Variants in GARIN5A observed in about 807,000 individuals in gnomAD.
GARIN5A encodes the protein Golgi-associated RAB2 interactor protein 5A.
the GARIN5A span, chr19:50,476,210 C>G: frequency 1.2e-6 from 2 of 1,613,736 alleles, no homozygotes; most frequent in South Asian, 1.1e-5. Context: ...TGCAATGTCC[C>G]CGTCCGACGG....
chr19:50,472,238 GTGTATTATATATA>G, the GARIN5A span, among the ~76,000 whole-genome samples: 1 of 81,926 alleles, frequency 1.2e-5, no homozygotes, highest in Non-Finnish European at 2.5e-5. Flanking sequence ...ACATGTATGT[GTGTATTATATATA>G]CATGTATGTG....
At chr19:50,471,828 GCATA>G in the GARIN5A span, among the ~76,000 whole-genome samples, 1 of 143,660 alleles carries the variant, frequency 7.0e-6, no homozygotes, top group Admixed American at 6.7e-5. Context: ...GTGTGTATAC[GCATA>G]CATATCTGTG....
At chr19:50,470,529 T>A in the GARIN5A span, among the ~76,000 whole-genome samples, 2 of 146,590 alleles carry the variant, frequency 1.4e-5, no homozygotes, top group African/African-American at 5.0e-5. Context: ...AAAAAAAGAG[T>A]CCAATTGTGC....
chr19:50,470,843 A>G, the GARIN5A span, among the ~76,000 whole-genome samples: 1 of 150,416 alleles, frequency 6.6e-6, no homozygotes, highest in Non-Finnish European at 1.5e-5. Context: ...TTTAGTAGAG[A>G]GGGGGTTTCA....
chr19:50,467,517 G>A, the GARIN5A span: 1 of 1,332,900 alleles, frequency 7.5e-7, no homozygotes, highest in Non-Finnish European at 1.0e-6. Flanking sequence ...CCTCCCCTCT[G>A]CCCTCTGCTG....
At chr19:50,472,972 C>T in the GARIN5A span, among the ~76,000 whole-genome samples, 2 of 152,096 alleles carry the variant, frequency 1.3e-5, no homozygotes, top group African/African-American at 4.8e-5. Context: ...CACTTGAGGC[C>T]CGGAGTTCAA....
At chr19:50,469,867 C>T in the GARIN5A span, among the ~76,000 whole-genome samples, 1 of 152,182 alleles carries the variant, frequency 6.6e-6, no homozygotes, top group African/African-American at 2.4e-5. Context: ...GCCAACAAAC[C>T]CCAGTGTCCC....
the GARIN5A span, chr19:50,476,569 A>G: frequency 4.4e-6 from 7 of 1,574,956 alleles, no homozygotes; most frequent in African/African-American, 5.4e-5. Context: ...CGCTGGGGCA[A>G]CCCGGCTGCT....
chr19:50,473,102 A>G, the GARIN5A span, among the ~76,000 whole-genome samples: 3 of 152,182 alleles, frequency 2.0e-5, no homozygotes, highest in Non-Finnish European at 4.4e-5. Flanking sequence ...CTCCTTTGTG[A>G]AAGGTTTTTA....
At chr19:50,470,381 C>T in the GARIN5A span, among the ~76,000 whole-genome samples, 3 of 152,006 alleles carry the variant, frequency 2.0e-5, no homozygotes, top group African/African-American at 7.2e-5. Flanking sequence ...GGTGTGGTGG[C>T]ACATGCCAGT....
chr19:50,471,098 G>T, the GARIN5A span, among the ~76,000 whole-genome samples: 95 of 152,166 alleles, frequency 6.2e-4, no homozygotes, highest in African/African-American at 2.1e-3. Context: ...CTAAGTAGCT[G>T]GGACTACAGG....
At chr19:50,475,795 G>T in the GARIN5A span, 2 of 1,462,458 alleles carry the variant, frequency 1.4e-6, no homozygotes, top group Non-Finnish European at 1.9e-6. Flanking sequence ...CGAGGGGCAG[G>T]CCGAGGCTGG....
At chr19:50,471,707 CGTGTGTGTATACGCATACATGCACGT>C in the GARIN5A span, among the ~76,000 whole-genome samples, 10 of 146,404 alleles carry the variant, frequency 6.8e-5, no homozygotes, top group Admixed American at 4.8e-4. Context: ...CATACATGCA[CGTGTGTGTATACGCATACATGCACGT>C]GTGTGTATAC....
At chr19:50,475,266 G>C in the GARIN5A span, 1 of 1,518,910 alleles carries the variant, frequency 6.6e-7, no homozygotes, top group Non-Finnish European at 8.8e-7. Flanking sequence ...GTACTGCTGG[G>C]GGCTCAGGTG....
At chr19:50,472,179 T>TGC in the GARIN5A span, among the ~76,000 whole-genome samples, 728 of 141,564 alleles carry the variant, frequency 5.1e-3, 51 homozygotes, top group African/African-American at 0.014. Context: ...TGTGTATATG[T>TGC]ATGTATACAT....
chr19:50,476,464 T>A, the GARIN5A span: 1 of 1,565,270 alleles, frequency 6.4e-7, no homozygotes, highest in Non-Finnish European at 8.6e-7. Flanking sequence ...CGCACGGGCG[T>A]CAGGATGCGG....
the GARIN5A span, among the ~76,000 whole-genome samples, chr19:50,471,933 TG>T: frequency 1.0e-4 from 15 of 150,074 alleles, no homozygotes; most frequent in African/African-American, 3.5e-4. Flanking sequence ...TATACATGTA[TG>T]TGTGTAAGTA....
the GARIN5A span, among the ~76,000 whole-genome samples, chr19:50,470,025 C>T: frequency 6.6e-6 from 1 of 152,198 alleles, no homozygotes; most frequent in Admixed American, 6.6e-5. Context: ...TCCCTGTCAT[C>T]CAGATGAGGA....
chr19:50,471,647 C>T, the GARIN5A span, among the ~76,000 whole-genome samples: 3 of 118,988 alleles, frequency 2.5e-5, no homozygotes, highest in Non-Finnish European at 5.3e-5. Flanking sequence ...TGTGTATATA[C>T]GCATACATGC....
Sources: gnomAD v4.1 joint callset for allele counts (sites outside exome capture counted in the v4.1 genomes callset) on GRCh38, gnomAD v4.1.1 for gene constraint, MANE v1.5 for transcripts, NCBI Gene and HGNC (gene_info 2026-07-23, HGNC 2026-07-21) for gene names.